Variants in MTUS2 observed in about 807,000 individuals in gnomAD.
MTUS2 encodes the protein microtubule associated scaffold protein 2.
MTUS2 carries 40 observed loss-of-function variants against 114.1 expected under a neutral mutation model. The ratio of observed to expected loss-of-function variants is 0.35; its 90% CI spans 0.27 to 0.46. The LOEUF (loss-of-function observed/expected upper bound fraction) is 0.46. Ranked by LOEUF, MTUS2 falls within the 20% of genes least tolerant of loss-of-function variation. The pLI is 1.00. For missense variants in MTUS2, 1,679 were observed against 1,705.4 expected (o/e 0.98, Z 0.27); for synonymous variants, 688 against 672.0 (o/e 1.02, Z -0.37).
intron 5 of MTUS2, among the ~76,000 whole-genome samples, chr13:29,251,877 A>G (rs920625794): frequency 2.0e-5 from 3 of 152,134 alleles, no homozygotes; most frequent in East Asian, 1.9e-4. Context: ...GGCTATTGTA[A>G]ATAAAGTTGC....
chr13:29,179,354 G>T (rs1893903342), intron 5 of MTUS2, among the ~76,000 whole-genome samples: 1 of 152,294 alleles, frequency 6.6e-6, no homozygotes, highest in Non-Finnish European at 1.5e-5. Context: ...GAAATGGAAA[G>T]AAATGAACAC....
At chr13:29,269,601 A>G (rs1046000016) in intron 5 of MTUS2, among the ~76,000 whole-genome samples, 3 of 152,190 alleles carry the variant, frequency 2.0e-5, no homozygotes, top group African/African-American at 7.2e-5. Flanking sequence ...ACCTTTGTAT[A>G]CTGTCGGTGA....
At chr13:29,411,110 C>T (rs1336884292) in intron 8 of MTUS2, among the ~76,000 whole-genome samples, 1 of 152,174 alleles carries the variant, frequency 6.6e-6, no homozygotes, top group African/African-American at 2.4e-5. Flanking sequence ...GGCTCATGCT[C>T]ACAGGCTTGA....
rs932704852 is a variant in MTUS2, at chr13:29,203,212, G to A, written c.2645-78492G>A. On this transcript the variant is annotated intron_variant, in intron 5 of 15. Transcript: ENST00000612955. ...CTTTCTTTCAGAGATGCCCTGCCCA[G>A]AGAGGAGGAATCTAGAGAGGCAGTC... Among the ~76,000 whole-genome samples the A allele has an allele frequency of 2.6e-5, 4 of 152,352 alleles. No individual in the cohort carries two copies. In the South Asian group the frequency reaches 8.3e-4, roughly 32 times the overall value.
intron 2 of MTUS2, among the ~76,000 whole-genome samples, chr13:28,957,083 C>T (rs1023512793): frequency 3.3e-5 from 5 of 152,156 alleles, no homozygotes; most frequent in Non-Finnish European, 1.5e-5. Flanking sequence ...TGCCTTTCCA[C>T]ATGTGCTAAA....
intron 6 of MTUS2, chr13:29,306,871 G>A: frequency 2.2e-5 from 11 of 497,714 alleles, no homozygotes; most frequent in South Asian, 1.5e-4. Flanking sequence ...AGATATTGTG[G>A]CCATCAGTGA....
chr13:29,377,215 C>A (rs184893308), intron 8 of MTUS2, among the ~76,000 whole-genome samples: 1 of 152,218 alleles, frequency 6.6e-6, no homozygotes, highest in South Asian at 2.1e-4. Flanking sequence ...AGAAAATTAC[C>A]AAGGATATGG....
chr13:28,995,082 G>T (rs1445520028), intron 2 of MTUS2, among the ~76,000 whole-genome samples: 1 of 152,148 alleles, frequency 6.6e-6, no homozygotes, highest in Non-Finnish European at 1.5e-5. Flanking sequence ...TTTGTATAAG[G>T]TGTAAGGAAG....
intron 1 of MTUS2, among the ~76,000 whole-genome samples, chr13:28,826,230 A>G (rs890417073): frequency 6.6e-6 from 1 of 152,230 alleles, no homozygotes; most frequent in Non-Finnish European, 1.5e-5. Flanking sequence ...AGATGGTCAT[A>G]TCATCTGCTA....
At chr13:29,365,864 C>G (rs569149817) in intron 8 of MTUS2, among the ~76,000 whole-genome samples, 1 of 152,162 alleles carries the variant, frequency 6.6e-6, no homozygotes, top group African/African-American at 2.4e-5. Context: ...GCTGTAAACT[C>G]CCCTCCAACT....
At chr13:29,272,752 C>G (rs1897924445) in intron 5 of MTUS2, among the ~76,000 whole-genome samples, 1 of 152,204 alleles carries the variant, frequency 6.6e-6, no homozygotes, top group Non-Finnish European at 1.5e-5. Flanking sequence ...CTTCTCTGGC[C>G]TGAATTTGCA....
intron 5 of MTUS2, among the ~76,000 whole-genome samples, chr13:29,195,749 T>C (rs1184491187): frequency 6.6e-6 from 1 of 151,970 alleles, no homozygotes; most frequent in Non-Finnish European, 1.5e-5. Context: ...AGAAGAGTGT[T>C]TCATGAGGGG....
chr13:29,364,997 G>A (rs1388956391), intron 8 of MTUS2, among the ~76,000 whole-genome samples: 1 of 152,182 alleles, frequency 6.6e-6, no homozygotes, highest in Non-Finnish European at 1.5e-5. Context: ...TAACACAGTA[G>A]AGAGTGCTAG....
At chr13:28,850,239 C>CA (rs1476993601) in intron 2 of MTUS2, among the ~76,000 whole-genome samples, 1 of 152,208 alleles carries the variant, frequency 6.6e-6, no homozygotes, top group Non-Finnish European at 1.5e-5. Context: ...AAGAAATAGA[C>CA]AAAAATGTAA....
chr13:28,831,830 C>T (rs1317883787), intron 1 of MTUS2, among the ~76,000 whole-genome samples: 2 of 151,912 alleles, frequency 1.3e-5, no homozygotes, highest in African/African-American at 2.4e-5. Context: ...CATCTTGGCT[C>T]ACTGCAACCT....
chr13:29,087,854 T>G (rs942626813), intron 4 of MTUS2, among the ~76,000 whole-genome samples: 3 of 152,060 alleles, frequency 2.0e-5, no homozygotes, highest in Non-Finnish European at 4.4e-5. Flanking sequence ...GTCAGGAGAT[T>G]GAGACCATCC....
chr13:29,080,156 T>A (rs1889378152), intron 4 of MTUS2, among the ~76,000 whole-genome samples: 1 of 152,194 alleles, frequency 6.6e-6, no homozygotes, highest in African/African-American at 2.4e-5. Flanking sequence ...TGGACATAGG[T>A]GGATTCGTAT....
intron 4 of MTUS2, among the ~76,000 whole-genome samples, chr13:29,097,471 A>G (rs1648911556): frequency 6.6e-6 from 1 of 152,188 alleles, no homozygotes; most frequent in African/African-American, 2.4e-5. Flanking sequence ...CTTATTATGC[A>G]CTTGTAACAT....
At chr13:29,061,243 AG>A (rs1888404486) in intron 4 of MTUS2, among the ~76,000 whole-genome samples, 1 of 152,140 alleles carries the variant, frequency 6.6e-6, no homozygotes, top group Admixed American at 6.5e-5. Context: ...GATTCTTTCA[AG>A]GCTTAAAGTT....
Sources: gnomAD v4.1 joint callset for allele counts (sites outside exome capture counted in the v4.1 genomes callset) on GRCh38, gnomAD v4.1.1 for gene constraint, MANE v1.5 for transcripts, NCBI Gene and HGNC (gene_info 2026-07-23, HGNC 2026-07-21) for gene names.